Variants in ANKRD22 observed in about 807,000 individuals in gnomAD.
The protein encoded by ANKRD22 is ankyrin repeat domain 22, also known as ankyrin repeat domain-containing protein 22.
Under a neutral mutation model 25.7 loss-of-function variants are expected in ANKRD22, and 24 were observed. That is an observed-to-expected ratio of 0.93 (90% CI 0.68 to 1.31). ANKRD22 has a LOEUF of 1.31. ANKRD22 is among the 50% of genes most tolerant of loss of function. ANKRD22 has a pLI of 0.00. For missense variants in ANKRD22, 214 were observed against 227.1 expected (o/e 0.94, Z 0.37); for synonymous variants, 84 against 84.3 (o/e 1.00, Z 0.02).
chr10:88,849,385 G>A (rs1844083180), intron 1 of ANKRD22, among the ~76,000 whole-genome samples: 1 of 152,120 alleles, frequency 6.6e-6, no homozygotes, highest in African/African-American at 2.4e-5. Flanking sequence ...ACACCAGAGT[G>A]GTTAAGACCA....
intron 1 of ANKRD22, among the ~76,000 whole-genome samples, chr10:88,849,766 T>G (rs1844086171): frequency 6.6e-6 from 1 of 152,144 alleles, no homozygotes; most frequent in Non-Finnish European, 1.5e-5. Context: ...GAATCAGCCT[T>G]GTTTAAAAGT....
At chr10:88,850,025 T>A (rs1197407782) in intron 1 of ANKRD22, among the ~76,000 whole-genome samples, 1 of 149,328 alleles carries the variant, frequency 6.7e-6, no homozygotes, top group East Asian at 2.1e-4. Flanking sequence ...TTTTTTTGAA[T>A]AGATTCTTCC....
Position 88,822,673 on chromosome 10 carries a change from G to C in ANKRD22, c.*268C>G, listed in dbSNP as rs968265541. 1 of 342,550 alleles carries C rather than the reference G, an allele frequency of 2.9e-6. No individual in the cohort carries two copies. The allele number at this position is 342,550 out of a possible 1,614,324, so 21.2% of individuals were successfully genotyped here. The stretch of plus-strand genomic sequence containing the variant: ...GCTGGGATTACAGGCATGTACCACT[G>C]TGCCTAGCTGAAACATCAGTTTCTG... On this transcript the variant is annotated 3_prime_UTR_variant, in exon 6 of 6. Transcript: ENST00000371930.
At chr10:88,832,539 GTCTTTA>G (rs1180536170) in intron 1 of ANKRD22, among the ~76,000 whole-genome samples, 2 of 149,290 alleles carry the variant, frequency 1.3e-5, no homozygotes, top group Admixed American at 6.6e-5. Flanking sequence ...AAGATAAAAT[GTCTTTA>G]TCTTTATCTT....
At chr10:88,842,070 A>T (rs1844008131) in intron 1 of ANKRD22, among the ~76,000 whole-genome samples, 1 of 152,188 alleles carries the variant, frequency 6.6e-6, no homozygotes, top group Admixed American at 6.6e-5. Context: ...TTGAACTCTC[A>T]GCAGCCAATG....
intron 1 of ANKRD22, among the ~76,000 whole-genome samples, chr10:88,847,401 G>A (rs561827375): frequency 2.0e-5 from 3 of 152,106 alleles, no homozygotes; most frequent in East Asian, 3.9e-4. Context: ...TGGGATTACA[G>A]GCACATGCCT....
intron 1 of ANKRD22, among the ~76,000 whole-genome samples, chr10:88,834,950 G>GA (rs1001010320): frequency 2.1e-5 from 3 of 143,814 alleles, no homozygotes; most frequent in Admixed American, 6.7e-5. Context: ...AAAAAAGAAA[G>GA]AAAAAAAAGA....
At chr10:88,848,711 C>G in intron 1 of ANKRD22, among the ~76,000 whole-genome samples, 1 of 152,136 alleles carries the variant, frequency 6.6e-6, no homozygotes, top group Middle Eastern at 3.2e-3. Flanking sequence ...TCTCAAATCC[C>G]TTGAAGTTCC....
chr10:88,849,565 A>C (rs1418166305), intron 1 of ANKRD22, among the ~76,000 whole-genome samples: 1 of 152,148 alleles, frequency 6.6e-6, no homozygotes, highest in Non-Finnish European at 1.5e-5. Context: ...TGAGCCAGTG[A>C]CTACCTTTTC....
intron 1 of ANKRD22, among the ~76,000 whole-genome samples, chr10:88,845,498 A>G (rs368019258): frequency 2.6e-5 from 4 of 152,084 alleles, no homozygotes; most frequent in Non-Finnish European, 4.4e-5. Context: ...GGATATCGCT[A>G]AAGTACCATG....
Position 88,820,639 on chromosome 10 carries a change from T to C in ANKRD22, c.*2302A>G. ...CTTGGCACTAAATCCGACACTTACA[T>C]TTACATTTTTTTTCTGTAAATTAAA... On this transcript the variant is annotated 3_prime_UTR_variant, in exon 6 of 6. Transcript: ENST00000371930. The C allele has an allele frequency of 1.3e-6, 1 of 786,160 alleles. No individual in the cohort carries two copies. The highest frequency in any genetic ancestry group is 2.0e-6 in the Non-Finnish European group (1 of 511,024). The allele number at this position is 786,160 out of a possible 1,614,324, so 48.7% of individuals were successfully genotyped here.
rs970519766 is a variant in ANKRD22, at chr10:88,820,591, A to G, written c.*2350T>C. On this transcript the variant is annotated 3_prime_UTR_variant, in exon 6 of 6. Coordinates refer to ENST00000371930, the MANE Select transcript of ANKRD22 (RefSeq NM_144590.3). ...GAATTACGGAGAGCAGAGACCTAGT[A>G]TACATTTTTCAGATTCCCTGCACTT... The G allele has an allele frequency of 6.2e-6, 8 of 1,298,688 alleles. No homozygotes were observed. The highest frequency in any genetic ancestry group is 6.0e-5 in the African/African-American group (4 of 67,008). 80.4% of individuals were successfully genotyped at this position (1,298,688 alleles called of 1,614,324 possible).
chr10:88,831,920 G>A lies in ANKRD22; in HGVS notation c.128C>T (p.Pro43Leu), dbSNP rs1448133659. The A allele has an allele frequency of 1.2e-6, 2 of 1,613,756 alleles. No individual in the cohort carries two copies. The highest frequency in any genetic ancestry group is 2.2e-5 in the East Asian group (1 of 44,878). ...NVQDGFNGDT[P>L]LICACRRGHV... ...CCCTCGCCTGCAAGCACAGATCAGG[G>A]GCGTGTCTCCATTAAAGCCATCTTG... The change falls in exon 2 of 6, where the codon CCC becomes CTC. Residue 43 changes from proline to leucine, a missense_variant. Coordinates refer to ENST00000371930, the MANE Select transcript of ANKRD22 (RefSeq NM_144590.3).
chr10:88,841,108 A>G (rs1214558), intron 1 of ANKRD22, among the ~76,000 whole-genome samples: 56,222 of 151,896 alleles, frequency 0.37, 10,977 homozygotes, highest in African/African-American at 0.49. Flanking sequence ...CTTGCCAGGA[A>G]GCTAAAAAAA....
At chr10:88,832,128 T>A in intron 1 of ANKRD22, 102 bp from the exon 2 acceptor site, 1 of 1,266,260 alleles carries the variant, frequency 7.9e-7, no homozygotes, top group Non-Finnish European at 1.1e-6. Flanking sequence ...TTAAATGTTT[T>A]AAAATTGTAA....
At chr10:88,836,055 C>T (rs1430706796) in intron 1 of ANKRD22, among the ~76,000 whole-genome samples, 1 of 152,166 alleles carries the variant, frequency 6.6e-6, no homozygotes, top group Non-Finnish European at 1.5e-5. Flanking sequence ...TCTGTCCATC[C>T]TCACTGCTAA....
chr10:88,823,119 G>GCAAT (rs1389914094), intron 5 of ANKRD22, 101 bp from the exon 6 acceptor site: 3 of 1,304,720 alleles, frequency 2.3e-6, no homozygotes, highest in East Asian at 4.6e-5. Context: ...GCTTTAAAAG[G>GCAAT]CAATCAGTCC....
Position 88,832,030 on chromosome 10 carries a change from G to C in ANKRD22, c.22-4C>G. ...GATAGGCTGCTTGGCAGATGGGCTG[G>C]GTCGGGAAAAACAAAAGCAGGTTTT... On this transcript the variant is annotated splice_polypyrimidine_tract_variant and splice_region_variant and intron_variant, in intron 1 of 5. Coordinates refer to ENST00000371930, the MANE Select transcript of ANKRD22 (RefSeq NM_144590.3). The C allele has an allele frequency of 6.3e-7, 1 of 1,585,802 alleles. No individual in the cohort carries two copies. The highest frequency in any genetic ancestry group is 8.6e-7 in the Non-Finnish European group (1 of 1,168,906).
rs1843812058 is a variant in ANKRD22 at position 88,822,699 on chromosome 10, A to C, written c.*242T>G. 2 of 426,674 alleles carry C rather than the reference A, an allele frequency of 4.7e-6. No homozygotes were observed. The highest frequency in any genetic ancestry group is 8.5e-6 in the Non-Finnish European group (2 of 235,784). The allele number at this position is 426,674 out of a possible 1,614,324, so 26.4% of individuals were successfully genotyped here. A position where few individuals can be genotyped will look rare whatever the true frequency, so the allele number is the denominator to read the frequency against. On this transcript the variant is annotated 3_prime_UTR_variant, in exon 6 of 6. Transcript: ENST00000371930. ...TGCCTAGCTGAAACATCAGTTTCTG[A>C]CTGAAGTGGAGACTACAACAACTTT...
Sources: allele counts gnomAD v4.1 joint callset (sites outside exome capture counted in the v4.1 genomes callset), GRCh38; gene constraint gnomAD v4.1.1; transcripts MANE v1.5; gene names NCBI Gene and HGNC (gene_info 2026-07-23, HGNC 2026-07-21).